C8orf34: variants seen among roughly 807,000 people sequenced by gnomAD.
C8orf34 encodes chromosome 8 open reading frame 34.
C8orf34 carries 65 observed loss-of-function variants against 68.3 expected under a neutral mutation model. The observed-to-expected ratio is 0.95, with a 90% CI of 0.78 to 1.17. C8orf34 has a LOEUF of 1.17. C8orf34 is among the 50% of genes most tolerant of loss of function. The probability of loss-of-function intolerance (pLI) is 0.00; values close to 1 mark genes in which losing one functional copy is unlikely to be tolerated. For synonymous variants in C8orf34, 244 were observed against 241.2 expected (o/e 1.01, Z -0.11); for missense variants, 664 against 655.4 (o/e 1.01, Z -0.14).
intron 7 of C8orf34, chr8:68,625,560 C>T: frequency 1.4e-6 from 1 of 696,780 alleles, no homozygotes; most frequent in East Asian, 2.7e-5. Context: ...ATGTGAATTC[C>T]AAGAAAGCAA....
intron 9 of C8orf34, among the ~76,000 whole-genome samples, chr8:68,714,279 C>G (rs1821407063): frequency 6.6e-6 from 1 of 152,124 alleles, no homozygotes; most frequent in African/African-American, 2.4e-5. Flanking sequence ...TACTGGAAGT[C>G]CTAGCCAGAG....
At chr8:68,599,401 T>C (rs1817634172) in intron 7 of C8orf34, among the ~76,000 whole-genome samples, 1 of 151,982 alleles carries the variant, frequency 6.6e-6, no homozygotes, top group Non-Finnish European at 1.5e-5. Flanking sequence ...TAGCCGAAAG[T>C]AATCTTATAG....
chr8:68,465,203 C>T (rs1383393234), intron 3 of C8orf34, among the ~76,000 whole-genome samples: 2 of 152,018 alleles, frequency 1.3e-5, no homozygotes, highest in Non-Finnish European at 2.9e-5. Flanking sequence ...TGAAAAAATG[C>T]TCACCATCAC....
At chr8:68,697,883 T>G (rs1820881288) in intron 8 of C8orf34, among the ~76,000 whole-genome samples, 2 of 152,196 alleles carry the variant, frequency 1.3e-5, no homozygotes, top group South Asian at 4.1e-4. Flanking sequence ...GGGGAGCCTT[T>G]CTGTTTGTTG....
intron 1 of C8orf34, among the ~76,000 whole-genome samples, chr8:68,433,767 T>G (rs1426475977): frequency 6.6e-6 from 1 of 152,240 alleles, no homozygotes; most frequent in African/African-American, 2.4e-5. Context: ...TCAAATGAAA[T>G]GGATCTTTTA....
chr8:68,412,571 C>T (rs538573401), intron 1 of C8orf34, among the ~76,000 whole-genome samples: 2 of 152,234 alleles, frequency 1.3e-5, no homozygotes, highest in African/African-American at 4.8e-5. Flanking sequence ...GCCCTCTTCA[C>T]CCGCTAATAC....
At chr8:68,683,948 C>T (rs888543419) in intron 8 of C8orf34, among the ~76,000 whole-genome samples, 1 of 152,100 alleles carries the variant, frequency 6.6e-6, no homozygotes, top group Non-Finnish European at 1.5e-5. Flanking sequence ...TGTGCTCACC[C>T]ACAAAACTCT....
At chr8:68,793,192 A>G (rs918415320) in intron 12 of C8orf34, among the ~76,000 whole-genome samples, 1 of 152,206 alleles carries the variant, frequency 6.6e-6, no homozygotes, top group Non-Finnish European at 1.5e-5. Context: ...AAGAAAATCT[A>G]AAAAACAACA....
At chr8:68,706,604 C>G (rs1243183569) in intron 8 of C8orf34, among the ~76,000 whole-genome samples, 1 of 152,192 alleles carries the variant, frequency 6.6e-6, no homozygotes, top group Admixed American at 6.5e-5. Context: ...ACTGGACTTA[C>G]AGATATCTGC....
At chr8:68,612,127 G>C (rs909119207) in intron 7 of C8orf34, among the ~76,000 whole-genome samples, 1 of 151,956 alleles carries the variant, frequency 6.6e-6, no homozygotes, top group African/African-American at 2.4e-5. Context: ...GAGGTAGGAC[G>C]GTCATCTCGT....
intron 10 of C8orf34, among the ~76,000 whole-genome samples, chr8:68,774,213 G>C (rs1184855504): frequency 6.6e-6 from 1 of 151,876 alleles, no homozygotes; most frequent in Non-Finnish European, 1.5e-5. Flanking sequence ...TGTCATGAAA[G>C]AGCCAAATTG....
At chr8:68,452,528 G>A (rs930671235) in intron 3 of C8orf34, among the ~76,000 whole-genome samples, 1 of 150,864 alleles carries the variant, frequency 6.6e-6, no homozygotes, top group African/African-American at 2.4e-5. Flanking sequence ...ATAGTTTTGA[G>A]CATCTTTTCA....
chr8:68,792,750 C>T (rs1824047458), intron 12 of C8orf34, among the ~76,000 whole-genome samples: 1 of 151,528 alleles, frequency 6.6e-6, no homozygotes, highest in East Asian at 1.9e-4. Context: ...TTAAATATCT[C>T]ATTAAAAAAT....
At chr8:68,781,316 A>G (rs1436568721) in intron 11 of C8orf34, among the ~76,000 whole-genome samples, 1 of 152,188 alleles carries the variant, frequency 6.6e-6, no homozygotes, top group Non-Finnish European at 1.5e-5. Context: ...AGCAGATAGA[A>G]TAATATATTG....
intron 10 of C8orf34, among the ~76,000 whole-genome samples, chr8:68,724,713 C>T (rs1043735371): frequency 6.6e-6 from 1 of 152,034 alleles, no homozygotes; most frequent in Non-Finnish European, 1.5e-5. Context: ...AGTAAACCAA[C>T]AAAAAGACAA....
chr8:68,647,476 A>G (rs1819213024), intron 8 of C8orf34, among the ~76,000 whole-genome samples: 1 of 152,220 alleles, frequency 6.6e-6, no homozygotes, highest in African/African-American at 2.4e-5. Flanking sequence ...TCATTATGCC[A>G]AAGAAATATC....
chr8:68,713,327 G>A (rs534548539), intron 9 of C8orf34, among the ~76,000 whole-genome samples: 2 of 151,572 alleles, frequency 1.3e-5, no homozygotes, highest in South Asian at 2.1e-4. Context: ...GAAGATCAGA[G>A]GAGAACTAAA....
intron 7 of C8orf34, among the ~76,000 whole-genome samples, chr8:68,594,087 T>C (rs1312627785): frequency 6.6e-6 from 1 of 152,116 alleles, no homozygotes; most frequent in East Asian, 1.9e-4. Context: ...AGAGTATTCA[T>C]TGGTATTTAG....
At chr8:68,803,794 T>C (rs1824401560) in intron 12 of C8orf34, among the ~76,000 whole-genome samples, 1 of 152,222 alleles carries the variant, frequency 6.6e-6, no homozygotes. Context: ...ATTTCTTAAC[T>C]TAGATGGTGA....
Sources: gnomAD v4.1 joint callset for allele counts (sites outside exome capture counted in the v4.1 genomes callset) on GRCh38, gnomAD v4.1.1 for gene constraint, MANE v1.5 for transcripts, NCBI Gene and HGNC (gene_info 2026-07-23, HGNC 2026-07-21) for gene names.